Variants in HHIPL1 observed in about 807,000 individuals in gnomAD.
HHIPL1 encodes HHIP-like protein 1.
HHIPL1 carries 43 observed loss-of-function variants against 61.8 expected under a neutral mutation model. The observed-to-expected ratio is 0.70, with a 90% CI of 0.55 to 0.90. The LOEUF is 0.90. Among genes scored for constraint, HHIPL1 ranks in the 40% least tolerant of loss-of-function variants. HHIPL1 has a pLI of 0.00. For synonymous variants in HHIPL1, 482 were observed against 515.8 expected, an observed-to-expected ratio of 0.93 and a Z score of 0.89; for missense variants, 1,056 against 1,157.7, an observed-to-expected ratio of 0.91 and a Z score of 1.28.
At chr14:99,627,546 G>C in the HHIPL1 span, among the ~76,000 whole-genome samples, 6 of 152,244 alleles carry the variant, frequency 3.9e-5, no homozygotes, top group Non-Finnish European at 8.8e-5. This position sits in a 1 kb window ranked among gnomAD's most constrained non-coding sequence, Gnocchi z 4.4. Context: ...ATGAGGAGAG[G>C]TCATGATACT....
chr14:99,632,087 A>C, the HHIPL1 span, among the ~76,000 whole-genome samples: 1 of 152,218 alleles, frequency 6.6e-6, no homozygotes, highest in African/African-American at 2.4e-5. Flanking sequence ...TACCAGGCAC[A>C]GCCTGACCTA....
the HHIPL1 span, among the ~76,000 whole-genome samples, chr14:99,628,581 C>CAAAAAAAAAAAAAAAAAAAA: frequency 1.9e-5 from 1 of 53,604 alleles, no homozygotes; most frequent in Non-Finnish European, 4.2e-5. Flanking sequence ...AACTCCAACT[C>CAAAAAAAAAAAAAAAAAAAA]AAAAAAAAAA....
chr14:99,656,957 A>G, intron 2 of HHIPL1, 43 bp from the exon 3 acceptor site: 1 of 1,530,926 alleles, frequency 6.5e-7, no homozygotes, highest in East Asian at 2.4e-5. Context: ...TGTTTGGCTC[A>G]TGCGTGGAAG....
intron 3 of HHIPL1, among the ~76,000 whole-genome samples, chr14:99,657,397 G>A (rs1367427919): frequency 2.0e-5 from 3 of 152,198 alleles, no homozygotes; most frequent in African/African-American, 7.2e-5. Flanking sequence ...TCAGGGCCTG[G>A]CACAGGACCC....
At chr14:99,642,160 G>T (rs1280269348), upstream of HHIPL1, among the ~76,000 whole-genome samples, 1 of 151,766 alleles carries the variant, frequency 6.6e-6, no homozygotes, top group Non-Finnish European at 1.5e-5. Flanking sequence ...GGCTGGTCTC[G>T]AACTCCTGAC....
chr14:99,605,369 A>AGGAGG, the HHIPL1 span, among the ~76,000 whole-genome samples: 3 of 76,712 alleles, frequency 3.9e-5, no homozygotes, highest in African/African-American at 1.2e-4. Context: ...TACCGCCAGC[A>AGGAGG]GGCGGGGCGG....
Position 99,652,383 on chromosome 14 carries a change from G to C in HHIPL1, c.415G>C (p.Glu139Gln). 1.2e-6 allele frequency: 2 copies of C among 1,614,212 alleles called. No individual in the cohort carries two copies. The highest frequency in any genetic ancestry group is 1.7e-6 in the Non-Finnish European group (2 of 1,180,044). ...LSTDQELWALEGNLARFCRYL... is the reference protein window; with the variant it reads ...LSTDQELWALQGNLARFCRYL... ...AACTGACCAGGAGCTCTGGGCGCTG[G>C]AGGGCAACCTTGCCAGGTTCTGCCG... The change falls in exon 2 of 9, where the codon GAG becomes CAG. Residue 139 changes from glutamate (E) to glutamine (Q), a missense_variant. By Grantham distance (29) the Glu-to-Gln change is conservative (BLOSUM62 2). Transcript: ENST00000330710.
At chr14:99,617,427 A>G in the HHIPL1 span, among the ~76,000 whole-genome samples, 2 of 152,312 alleles carry the variant, frequency 1.3e-5, no homozygotes, top group Non-Finnish European at 2.9e-5. Flanking sequence ...AGAATTGAAA[A>G]ATCAAGAAAT....
the HHIPL1 span, among the ~76,000 whole-genome samples, chr14:99,629,537 G>A: frequency 2.3e-4 from 35 of 151,826 alleles, no homozygotes; most frequent in Middle Eastern, 3.4e-3. Context: ...AGTCTCTGTC[G>A]CCCAGGCTGG....
chr14:99,671,970 G>A (rs955174222), intron 7 of HHIPL1, among the ~76,000 whole-genome samples: 1 of 152,164 alleles, frequency 6.6e-6, no homozygotes, highest in African/African-American at 2.4e-5. Flanking sequence ...GGAATCAGAC[G>A]GCAGGCTGTG....
chr14:99,671,092 G>A (rs939945098), intron 7 of HHIPL1, among the ~76,000 whole-genome samples: 1 of 152,068 alleles, frequency 6.6e-6, no homozygotes, highest in African/African-American at 2.4e-5. Flanking sequence ...CTCCCGCCCT[G>A]ACCCTTCTCC....
Position 99,647,093 on chromosome 14 carries a change from G to A in HHIPL1, c.255+1631G>A, listed in dbSNP as rs942353483. Among the ~76,000 whole-genome samples, 4 of 152,226 alleles carry A rather than the reference G, an allele frequency of 2.6e-5. No individual in the cohort carries two copies. In the South Asian group the frequency reaches 6.2e-4, roughly 24 times the overall value. ...CAGGGACTTGCCCAGTGGTCGCACA[G>A]CCCAGCGGTGGTTGAGGTGGGGACA... On this transcript the variant is annotated intron_variant, in intron 1 of 8. Transcript: ENST00000330710.
Position 99,652,225 on chromosome 14 carries a change from A to G in HHIPL1, c.257A>G (p.Glu86Gly), listed in dbSNP as rs1363235053. ...AGYARDLLCQ[E>G]CSPYAAHLYD... ...TCTGAGCCATTACTGTCTCTGCAGG[A>G]ATGCTCGCCGTATGCAGCCCACCTC... The change falls in exon 2 of 9, where the codon GAA becomes GGA. Residue 86 changes from glutamate (E) to glycine (G), a missense_variant and splice_region_variant. By Grantham distance (98) the Glu-to-Gly change is moderately conservative. Coordinates refer to ENST00000330710, the MANE Select transcript of HHIPL1 (RefSeq NM_001127258.3). 1 of 1,592,956 alleles carries G rather than the reference A, an allele frequency of 6.3e-7. No individual in the cohort carries two copies. Among genetic ancestry groups the G allele is most frequent in the Non-Finnish European group, 8.6e-7 (1 of 1,168,208 alleles).
chr14:99,623,665 C>T, the HHIPL1 span, among the ~76,000 whole-genome samples: 5 of 152,274 alleles, frequency 3.3e-5, no homozygotes, highest in African/African-American at 7.2e-5. Flanking sequence ...CCTCCAGCCT[C>T]GGCCTCCCAA....
At chr14:99,649,022 C>T (rs536490769) in intron 1 of HHIPL1, among the ~76,000 whole-genome samples, 1 of 152,286 alleles carries the variant, frequency 6.6e-6, no homozygotes, top group African/African-American at 2.4e-5. Flanking sequence ...TGCCACCTGC[C>T]CCTAAACACA....
chr14:99,641,970 C>T (rs908443522), upstream of HHIPL1, among the ~76,000 whole-genome samples: 62 of 151,596 alleles, frequency 4.1e-4, no homozygotes, highest in African/African-American at 1.5e-3. Context: ...GACAGAGTCT[C>T]GCTCTGTGGC....
the HHIPL1 span, among the ~76,000 whole-genome samples, chr14:99,608,989 C>T: frequency 3.7e-4 from 57 of 152,258 alleles, 1 homozygote; most frequent in South Asian, 5.2e-3. Flanking sequence ...GGATGCTCTG[C>T]GATGTCTCTT....
chr14:99,635,259 C>T, the HHIPL1 span, among the ~76,000 whole-genome samples: 5 of 152,170 alleles, frequency 3.3e-5, no homozygotes, highest in South Asian at 2.1e-4. Flanking sequence ...CAGGGCCCTC[C>T]GCCTGCCGTC....
rs1411221953 is a variant in HHIPL1, at chr14:99,675,089, A to G, written c.1814-2A>G. On this transcript the variant is annotated splice_acceptor_variant, in intron 8 of 8. Transcript: ENST00000330710. LOFTEE classifies it high-confidence loss of function. The surrounding 1 kb of genome is among the most constrained non-coding windows in gnomAD (Gnocchi z 5.4). ...CTGACGGCATACTCTTCCTCTGCGC[A>G]GAGTTCATCCCGAAGACACGGAGCA... 9.4e-6 allele frequency: 11 copies of G among 1,166,412 alleles called. No homozygotes were observed. The highest frequency in any genetic ancestry group is 2.3e-4 in the Middle Eastern group (1 of 4,260). The allele number at this position is 1,166,412 out of a possible 1,614,324, so 72.3% of individuals were successfully genotyped here.
Sources: allele counts gnomAD v4.1 joint callset (sites outside exome capture counted in the v4.1 genomes callset), GRCh38; gene constraint gnomAD v4.1.1; non-coding constraint Gnocchi (gnomAD v3.1); transcripts MANE v1.5; gene names NCBI Gene and HGNC (gene_info 2026-07-23, HGNC 2026-07-21).